The following RNF216 variants were observed in gnomAD, a reference collection of about 807,000 sequenced individuals.
RNF216 encodes E3 ubiquitin-protein ligase RNF216.
Under a neutral mutation model 110.8 loss-of-function variants are expected in RNF216, and 72 were observed. The ratio of observed to expected loss-of-function variants is 0.65; its 90% CI spans 0.54 to 0.79. RNF216 has a LOEUF of 0.79. Among genes scored for constraint, RNF216 ranks in the 30% least tolerant of loss-of-function variants. The pLI, the probability that RNF216 is intolerant of heterozygous loss-of-function variation, is 0.00. For missense variants in RNF216, 1,342 were observed against 1,141.2 expected (o/e 1.18, Z -2.54); for synonymous variants, 495 against 407.5 (o/e 1.21, Z -2.59).
At chr7:5,730,453 A>G (rs566989195) in intron 6 of RNF216, among the ~76,000 whole-genome samples, 592 of 144,332 alleles carry the variant, frequency 4.1e-3, no homozygotes, top group African/African-American at 0.013. Flanking sequence ...AGATATGGAG[A>G]ATTCGTTCAA....
chr7:5,691,560 C>G (rs571496169), intron 13 of RNF216, among the ~76,000 whole-genome samples: 2 of 152,142 alleles, frequency 1.3e-5, no homozygotes, highest in Admixed American at 6.5e-5. Flanking sequence ...GTGAGAAAAA[C>G]AGAGTATGTG....
At chr7:5,683,528 T>C (rs1181198947) in intron 13 of RNF216, among the ~76,000 whole-genome samples, 1 of 152,162 alleles carries the variant, frequency 6.6e-6, no homozygotes. Flanking sequence ...CATAGCATCA[T>C]GACTTAACCA....
chr7:5,704,483 G>C (rs1792163801), intron 13 of RNF216, among the ~76,000 whole-genome samples: 1 of 152,182 alleles, frequency 6.6e-6, no homozygotes, highest in African/African-American at 2.4e-5. Context: ...AAGCGTATGC[G>C]CTAATAACAT....
intron 7 of RNF216, among the ~76,000 whole-genome samples, chr7:5,726,262 G>A (rs1313200793): frequency 6.6e-6 from 1 of 151,936 alleles, no homozygotes; most frequent in Admixed American, 6.5e-5. Context: ...GGTAACACAG[G>A]AGACCCTGTC....
intron 13 of RNF216, among the ~76,000 whole-genome samples, chr7:5,691,896 G>T (rs1311936700): frequency 6.6e-6 from 1 of 152,214 alleles, no homozygotes; most frequent in Non-Finnish European, 1.5e-5. Flanking sequence ...TTTTACAGCG[G>T]AAGTCAAGAC....
At chr7:5,645,558 A>C (rs547665206) in intron 14 of RNF216, among the ~76,000 whole-genome samples, 23 of 149,926 alleles carry the variant, frequency 1.5e-4, no homozygotes, top group Admixed American at 4.0e-4. Flanking sequence ...AGCTATTGTA[A>C]TTTTGGGGTA....
intron 9 of RNF216, among the ~76,000 whole-genome samples, chr7:5,718,078 T>C (rs1793175918): frequency 6.6e-6 from 1 of 152,056 alleles, no homozygotes; most frequent in South Asian, 2.1e-4. Context: ...ACAATAATGG[T>C]TATATATAAA....
chr7:5,674,868 G>A (rs995625048), intron 13 of RNF216, among the ~76,000 whole-genome samples: 2 of 151,122 alleles, frequency 1.3e-5, no homozygotes, highest in African/African-American at 2.4e-5. Context: ...ATAGTGGCAC[G>A]CACCTGTAAT....
chr7:5,694,945 G>A (rs1340142362), intron 13 of RNF216, among the ~76,000 whole-genome samples: 4 of 152,166 alleles, frequency 2.6e-5, no homozygotes, highest in African/African-American at 9.7e-5. Flanking sequence ...AAAGACCCTG[G>A]TTAACTGACA....
At chr7:5,723,002 A>T (rs902595557) in intron 8 of RNF216, among the ~76,000 whole-genome samples, 6 of 152,136 alleles carry the variant, frequency 3.9e-5, no homozygotes, top group Admixed American at 3.3e-4. Flanking sequence ...TGAGAATAGA[A>T]AAGCACGTGG....
At position 5,696,562 on chromosome 7, in the gene RNF216, C is replaced by A. The variant is rs760589558; in HGVS notation, c.2061+15199G>T. Reference sequence around the variant, plus strand: ...GCAGGCCGGGGCAGCCTCCTAGACACGCGTGCCCAAGATCGTGTCCTATGG... The same window carrying A: ...GCAGGCCGGGGCAGCCTCCTAGACAAGCGTGCCCAAGATCGTGTCCTATGG... On this transcript the variant is annotated intron_variant, in intron 13 of 16. Transcript: ENST00000389902. The surrounding 1 kb of genome is among the most constrained non-coding windows in gnomAD (Gnocchi z 5.4). 1.3e-5 allele frequency among the ~76,000 whole-genome samples: 2 copies of A among 152,162 alleles called. No individual in the cohort carries two copies. The highest frequency in any genetic ancestry group is 2.9e-5 in the Non-Finnish European group (2 of 68,020).
At chr7:5,665,045 G>T (rs895955415) in intron 13 of RNF216, among the ~76,000 whole-genome samples, 9 of 152,066 alleles carry the variant, frequency 5.9e-5, no homozygotes, top group African/African-American at 9.7e-5. Flanking sequence ...TGATCTGCCC[G>T]CCTCGGCCTC....
At chr7:5,757,659 A>G (rs1023803869) in intron 2 of RNF216, among the ~76,000 whole-genome samples, 4 of 152,254 alleles carry the variant, frequency 2.6e-5, no homozygotes, top group Non-Finnish European at 5.9e-5. Context: ...TACAGTATGT[A>G]TAATTCCATT....
intron 3 of RNF216, among the ~76,000 whole-genome samples, chr7:5,742,579 G>GA (rs1794819165): frequency 7.5e-6 from 1 of 132,968 alleles, no homozygotes; most frequent in African/African-American, 2.7e-5. Context: ...TGAGGATGGT[G>GA]AAAAATCTTT....
chr7:5,650,566 G>A (rs535120710), intron 14 of RNF216, among the ~76,000 whole-genome samples: 3 of 152,050 alleles, frequency 2.0e-5, no homozygotes, highest in African/African-American at 2.4e-5. Flanking sequence ...TTGTAGGACC[G>A]GGGTCTCTAT....
intron 14 of RNF216, among the ~76,000 whole-genome samples, chr7:5,650,617 C>T (rs190277346): frequency 3.3e-5 from 5 of 152,302 alleles, no homozygotes; most frequent in Admixed American, 3.3e-4. Flanking sequence ...CCAACTTCTA[C>T]AGGCTACCTC....
Position 5,741,808 on chromosome 7 carries a change from T to C in RNF216, c.209A>G (p.Lys70Arg). ...DDDVILTETN[K>R]PQRSRPNLIK... is the part of the protein sequence containing the mutation. ...GAGATTGGGTCGTGATCTCTGAGGTTTATTTGTCTAAGAAAAAATGAAATT... is the reference window on the plus strand; with the variant it reads ...GAGATTGGGTCGTGATCTCTGAGGTCTATTTGTCTAAGAAAAAATGAAATT... The change falls in exon 4 of 17, where the codon AAA becomes AGA. Residue 70 changes from lysine (K) to arginine (R), a missense_variant. Lys to Arg is a conservative substitution (Grantham distance 26). Coordinates refer to ENST00000389902, the MANE Select transcript of RNF216 (RefSeq NM_207111.4). 6 of 1,592,586 alleles carry C rather than the reference T, an allele frequency of 3.8e-6. No individual in the cohort carries two copies. The highest frequency in any genetic ancestry group is 5.1e-6 in the Non-Finnish European group (6 of 1,172,944).
chr7:5,766,164 C>T (rs1179978277), intron 1 of RNF216, among the ~76,000 whole-genome samples: 1 of 151,804 alleles, frequency 6.6e-6, no homozygotes, highest in Non-Finnish European at 1.5e-5. Flanking sequence ...GTGGCATGTA[C>T]CTATAGTTTT....
At chr7:5,700,920 T>C (rs1244949058) in intron 13 of RNF216, among the ~76,000 whole-genome samples, 1 of 152,168 alleles carries the variant, frequency 6.6e-6, no homozygotes, top group African/African-American at 2.4e-5. Context: ...GCAACTAATT[T>C]GGAGTTCTCT....
Sources: allele counts gnomAD v4.1 joint callset (sites outside exome capture counted in the v4.1 genomes callset), GRCh38; gene constraint gnomAD v4.1.1; non-coding constraint Gnocchi (gnomAD v3.1); transcripts MANE v1.5; gene names NCBI Gene and HGNC (gene_info 2026-07-23, HGNC 2026-07-21).